The following RYR3 variants were observed in gnomAD, a reference collection of about 807,000 sequenced individuals.
The protein encoded by RYR3 is ryanodine receptor 3.
In RYR3, 207 loss-of-function variants were observed where a neutral mutation model predicts 584.3. The observed-to-expected ratio is 0.35, with a 90% CI of 0.32 to 0.40. The LOEUF is 0.40. Among genes scored for constraint, RYR3 ranks in the 10% least tolerant of loss-of-function variants. RYR3 has a pLI of 1.00. For synonymous variants in RYR3, 2,416 were observed against 2,248.5 expected, an observed-to-expected ratio of 1.07 and a Z score of -2.11; for missense variants, 5,616 against 6,089.2, an observed-to-expected ratio of 0.92 and a Z score of 2.59.
At chr15:33,592,846 G>A (rs1182873524) in intron 16 of RYR3, among the ~76,000 whole-genome samples, 1 of 152,198 alleles carries the variant, frequency 6.6e-6, no homozygotes, top group Non-Finnish European at 1.5e-5. Context: ...TGCCAAGGTT[G>A]AGGACGTGCC....
At chr15:33,572,216 G>A (rs9635321) in intron 12 of RYR3, among the ~76,000 whole-genome samples, 95,466 of 152,032 alleles carry the variant, frequency 0.63, 31,631 homozygotes, top group Middle Eastern at 0.75. Flanking sequence ...AAAGATACAT[G>A]TTTTTATATT....
chr15:33,626,785 T>G (rs2061012529), intron 20 of RYR3, among the ~76,000 whole-genome samples: 1 of 152,148 alleles, frequency 6.6e-6, no homozygotes, highest in South Asian at 2.1e-4. Flanking sequence ...GCCCCAGGCC[T>G]TGGTAGCTTC....
At chr15:33,496,464 T>C (rs1386893677) in intron 2 of RYR3, among the ~76,000 whole-genome samples, 1 of 152,166 alleles carries the variant, frequency 6.6e-6, no homozygotes, top group African/African-American at 2.4e-5. Context: ...ACTTTTTCTT[T>C]CCTTTGCTCA....
rs1168889251 is a variant in RYR3 at position 33,831,217 on chromosome 15, T to G, written c.11463+126T>G. ...TCCATCCAGCCCTAATGCTGACAATTTTTATTTTCTCTAAATAGGAAGCAA... is the reference window on the plus strand; with the variant it reads ...TCCATCCAGCCCTAATGCTGACAATGTTTATTTTCTCTAAATAGGAAGCAA... On this transcript the variant is annotated intron_variant, in intron 86 of 103. Coordinates refer to ENST00000634891, the MANE Select transcript of RYR3 (RefSeq NM_001036.6). 6 of 868,802 alleles carry G rather than the reference T, an allele frequency of 6.9e-6. No homozygotes were observed. In the African/African-American group the frequency reaches 1.0e-4, roughly 15 times the overall value. The allele number at this position is 868,802 out of a possible 1,614,324, so 53.8% of individuals were successfully genotyped here.
Position 33,598,246 on chromosome 15 carries a change from C to CAAAAAAAA in RYR3, c.1789-3164_1789-3157dup, listed in dbSNP as rs35785154. ...TAACTGAGAAGAAAAAAAAATTGCT[C>CAAAAAAAA]AAAAAAAAAAAAAAAAGACAAGGCC... On this transcript the variant is annotated intron_variant, in intron 16 of 103. Transcript: ENST00000634891. Among the ~76,000 whole-genome samples, 291 of 74,192 alleles carry CAAAAAAAA rather than the reference C, an allele frequency of 3.9e-3. 3 individuals carry two copies. The highest frequency in any genetic ancestry group is 8.5e-3 in the African/African-American group (158 of 18,592). The allele number at this position is 74,192 out of a possible 152,430, so 48.7% of individuals were successfully genotyped here.
chr15:33,848,251 C>A (rs1280290787), intron 93 of RYR3, 40 bp from the exon 94 acceptor site: 2 of 1,610,534 alleles, frequency 1.2e-6, no homozygotes, highest in Admixed American at 3.4e-5. Context: ...GCTTTAATCA[C>A]AAAGCCTGCT....
chr15:33,657,287 A>G (rs1464014609), intron 32 of RYR3, among the ~76,000 whole-genome samples: 3 of 152,218 alleles, frequency 2.0e-5, no homozygotes, highest in Non-Finnish European at 4.4e-5. Context: ...GTTTTCAGGA[A>G]CCAGTCCTGA....
Position 33,439,301 on chromosome 15 carries a change from C to T in RYR3, c.52-34118C>T, listed in dbSNP as rs2596233. On this transcript the variant is annotated intron_variant, in intron 1 of 103. Coordinates refer to ENST00000634891, the MANE Select transcript of RYR3 (RefSeq NM_001036.6). ...TTTCCCATATTGCACAGTACAATGT[C>T]GAATAGAACCAACAACAGTAAATAT... Among the ~76,000 whole-genome samples, 1,034 of 152,122 alleles carry T rather than the reference C, an allele frequency of 6.8e-3. 18 individuals are homozygous for T. The highest frequency in any genetic ancestry group is 0.023 in the African/African-American group (968 of 41,512).
chr15:33,473,306 A>C (rs1222093508), intron 1 of RYR3, 113 bp from the exon 2 acceptor site: 1 of 1,238,340 alleles, frequency 8.1e-7, no homozygotes, highest in African/African-American at 1.5e-5. Context: ...AAAAACAAAA[A>C]GCACGTGGCT....
intron 78 of RYR3, 51 bp downstream of exon 78, chr15:33,820,863 C>T: frequency 8.1e-7 from 1 of 1,242,196 alleles, no homozygotes; most frequent in Non-Finnish European, 1.1e-6. Context: ...GGCCAATAGG[C>T]CAGGCCTTCA....
chr15:33,505,784 G>A (rs1363283241), intron 3 of RYR3, among the ~76,000 whole-genome samples: 7 of 152,222 alleles, frequency 4.6e-5, no homozygotes, highest in East Asian at 1.9e-4. Context: ...GAGCCACCAC[G>A]CCTGGCCGGG....
chr15:33,711,338 G>A (rs1448042021), intron 43 of RYR3, among the ~76,000 whole-genome samples: 6 of 142,224 alleles, frequency 4.2e-5, no homozygotes, highest in African/African-American at 1.6e-4. Flanking sequence ...CCGCCTCCCA[G>A]GTTCATGCCA....
At chr15:33,603,850 C>G (rs991697499) in intron 18 of RYR3, among the ~76,000 whole-genome samples, 1 of 152,252 alleles carries the variant, frequency 6.6e-6, no homozygotes, top group Non-Finnish European at 1.5e-5. Context: ...CTTGTCAACA[C>G]AGCCTGTTGC....
chr15:33,688,020 A>G (rs940452451), intron 38 of RYR3, among the ~76,000 whole-genome samples: 41 of 152,240 alleles, frequency 2.7e-4, no homozygotes, highest in Admixed American at 3.9e-4. Flanking sequence ...CTTCATGACT[A>G]AAACACCAAA....
chr15:33,542,453 T>G (rs1015703620), intron 7 of RYR3, among the ~76,000 whole-genome samples: 14 of 152,106 alleles, frequency 9.2e-5, no homozygotes, highest in Non-Finnish European at 1.9e-4. Context: ...CTATAATATA[T>G]CATGAATCAT....
At chr15:33,647,531 A>G (rs2062171667) in intron 30 of RYR3, 71 bp downstream of exon 30, 1 of 1,108,200 alleles carries the variant, frequency 9.0e-7, no homozygotes, top group South Asian at 1.3e-5. Context: ...TGCCCCTTAC[A>G]GCAAAGATCC....
intron 25 of RYR3, among the ~76,000 whole-genome samples, 156 bp downstream of exon 25, chr15:33,634,889 C>T (rs1353304223): frequency 1.3e-5 from 2 of 152,002 alleles, no homozygotes; most frequent in East Asian, 1.9e-4. Context: ...TTATTGTTAT[C>T]GGGGAGACCA....
chr15:33,336,293 G>A (rs186029274), intron 1 of RYR3, among the ~76,000 whole-genome samples: 160 of 151,562 alleles, frequency 1.1e-3, no homozygotes, highest in African/African-American at 3.7e-3. Flanking sequence ...TTAGCCACCC[G>A]TGGTGGCACA....
rs1189883948 is a variant in RYR3, at chr15:33,861,169, C to G, written c.14456C>G (p.Ala4819Gly). 1.9e-6 allele frequency: 3 copies of G among 1,586,394 alleles called. No homozygotes were observed. The highest frequency in any genetic ancestry group is 1.3e-5 in the African/African-American group (1 of 74,684). Residue 4819 changes from alanine (A) to glycine (G), a missense_variant, in exon 102 of 104, where the codon GCC becomes GGC. Ala to Gly is a moderately conservative substitution (Grantham distance 60). Transcript: ENST00000634891. ...CATACATTACAAGAGCACAACTTAG[C>G]CAACTACTTGTGAGTATTCTTGGTT... Reference protein sequence around the residue: ...ETHTLQEHNLANYLFFLMYLI... With the variant: ...ETHTLQEHNLGNYLFFLMYLI...
Sources: gnomAD v4.1 joint callset for allele counts (sites outside exome capture counted in the v4.1 genomes callset) on GRCh38, gnomAD v4.1.1 for gene constraint, MANE v1.5 for transcripts, NCBI Gene and HGNC (gene_info 2026-07-23, HGNC 2026-07-21) for gene names.